SYNE2: variants seen among roughly 807,000 people sequenced by gnomAD.
SYNE2 encodes nesprin-2.
SYNE2 carries 431 observed loss-of-function variants against 856.3 expected under a neutral mutation model. That is an observed-to-expected ratio of 0.50 (90% CI 0.47 to 0.55). SYNE2 has a LOEUF of 0.55. Among genes scored for constraint, SYNE2 ranks in the 20% least tolerant of loss-of-function variants. The probability of loss-of-function intolerance (pLI) is 0.00; values close to 1 mark genes in which losing one functional copy is unlikely to be tolerated. For missense variants in SYNE2, 8,129 were observed against 8,023.2 expected, an observed-to-expected ratio of 1.01 and a Z score of -0.50; for synonymous variants, 2,923 against 2,872.3, an observed-to-expected ratio of 1.02 and a Z score of -0.56.
chr14:64,109,164 G>A (rs1292793154), intron 65 of SYNE2, among the ~76,000 whole-genome samples: 1 of 151,652 alleles, frequency 6.6e-6, no homozygotes, highest in Non-Finnish European at 1.5e-5. Context: ...ATCAGATGTA[G>A]CTTCAATGGT....
intron 22 of SYNE2, among the ~76,000 whole-genome samples, chr14:63,994,352 G>C (rs1478407828): frequency 6.6e-6 from 1 of 152,202 alleles, no homozygotes; most frequent in African/African-American, 2.4e-5. Flanking sequence ...TAATTAATGT[G>C]ATAATTAAAA....
chr14:63,807,865 A>ATATATATATATATATAT (rs1267385896), intron 1 of SYNE2, among the ~76,000 whole-genome samples: 72 of 97,366 alleles, frequency 7.4e-4, no homozygotes, highest in Non-Finnish European at 1.2e-3. Flanking sequence ...ATATATATAT[A>ATATATATATATATATAT]ATTTCAATAG....
At chr14:63,822,166 G>A (rs186911191) in intron 1 of SYNE2, among the ~76,000 whole-genome samples, 4 of 152,154 alleles carry the variant, frequency 2.6e-5, no homozygotes, top group African/African-American at 4.8e-5. Context: ...ACTCCAGCCC[G>A]GGTGACAGAG....
upstream of SYNE2, chr14:63,848,511 T>C (rs1489285139): frequency 1.3e-5 from 2 of 152,232 alleles, no homozygotes; most frequent in Non-Finnish European, 2.9e-5. Context: ...ATATGATTAA[T>C]GCATCACTTT....
At chr14:63,910,894 A>G (rs185262926) in intron 2 of SYNE2, among the ~76,000 whole-genome samples, 23 of 152,330 alleles carry the variant, frequency 1.5e-4, no homozygotes, top group Admixed American at 1.0e-3. Flanking sequence ...CCAAGAGCAC[A>G]TGGCTGGAGT....
At chr14:64,055,785 A>C (rs1437604055) in intron 48 of SYNE2, among the ~76,000 whole-genome samples, 159 bp from the exon 49 acceptor site, 1 of 152,028 alleles carries the variant, frequency 6.6e-6, no homozygotes, top group Non-Finnish European at 1.5e-5. Flanking sequence ...CATATGTAAC[A>C]AACCTGCACA....
At chr14:64,010,989 A>G (rs373574594) in intron 32 of SYNE2, among the ~76,000 whole-genome samples, 4 of 152,330 alleles carry the variant, frequency 2.6e-5, no homozygotes, top group African/African-American at 9.6e-5. Context: ...CAGGGTGTTA[A>G]AAGTATGTGA....
intron 1 of SYNE2, among the ~76,000 whole-genome samples, chr14:63,839,186 T>C (rs1256209353): frequency 2.0e-5 from 3 of 152,068 alleles, no homozygotes; most frequent in African/African-American, 7.2e-5. Context: ...TGTGCCACCA[T>C]GCCCGGCTAA....
chr14:63,762,595 CTT>C (rs869117825), intron 1 of SYNE2, among the ~76,000 whole-genome samples: 1 of 20,418 alleles, frequency 4.9e-5, no homozygotes, highest in Non-Finnish European at 2.1e-4. Flanking sequence ...TTTTTTCTTT[CTT>C]TTTTTTTTTT....
At chr14:64,186,698 C>G (rs2139507134) in intron 97 of SYNE2, 119 bp downstream of exon 97, 1 of 1,316,540 alleles carries the variant, frequency 7.6e-7, no homozygotes. Context: ...CAGTGGGACC[C>G]CTGGCCCGGC....
At chr14:63,857,622 C>A (rs1022357516) in intron 1 of SYNE2, among the ~76,000 whole-genome samples, 2 of 152,166 alleles carry the variant, frequency 1.3e-5, no homozygotes, top group African/African-American at 2.4e-5. Flanking sequence ...TCCTTGCCAA[C>A]AGTTGGGGTG....
At chr14:63,986,411 A>T (rs768836904) in intron 18 of SYNE2, 45 bp from the exon 19 acceptor site, 6 of 1,605,774 alleles carry the variant, frequency 3.7e-6, no homozygotes, top group Non-Finnish European at 5.1e-6. Context: ...TTATTTTGTT[A>T]TGTACATGCT....
chr14:63,893,634 A>C (rs1450271455), intron 1 of SYNE2, among the ~76,000 whole-genome samples: 1 of 152,222 alleles, frequency 6.6e-6, no homozygotes, highest in Non-Finnish European at 1.5e-5. Context: ...ATCTTTTCTC[A>C]AACATCTATT....
intron 1 of SYNE2, among the ~76,000 whole-genome samples, chr14:63,799,940 AC>A (rs1256070979): frequency 6.6e-6 from 1 of 152,190 alleles, no homozygotes; most frequent in Non-Finnish European, 1.5e-5. Context: ...ATTTCCTTCA[AC>A]GGGACATCAG....
At chr14:63,889,046 C>CAAAAAAAAAA (rs200729691) in intron 1 of SYNE2, among the ~76,000 whole-genome samples, 2 of 108,640 alleles carry the variant, frequency 1.8e-5, no homozygotes, top group Non-Finnish European at 3.8e-5. Context: ...TACTAAAATA[C>CAAAAAAAAAA]AAAAAAAAAA....
intron 1 of SYNE2, among the ~76,000 whole-genome samples, chr14:63,854,449 T>A (rs138144044): frequency 1.1e-3 from 162 of 152,308 alleles, no homozygotes; most frequent in African/African-American, 3.7e-3. Context: ...TTCTCCAAGT[T>A]GTCTTTCTGG....
At chr14:64,103,230 T>A (rs1185515986) in intron 64 of SYNE2, among the ~76,000 whole-genome samples, 1 of 152,034 alleles carries the variant, frequency 6.6e-6, no homozygotes, top group Non-Finnish European at 1.5e-5. Context: ...TATGTGAAAA[T>A]CCAAACTGAC....
chr14:64,027,413 ACAT>A, intron 42 of SYNE2, 68 bp from the exon 43 acceptor site: 1 of 963,660 alleles, frequency 1.0e-6, no homozygotes, highest in Non-Finnish European at 1.6e-6. Flanking sequence ...GATGTGTGTT[ACAT>A]AATATGCAAA....
chr14:64,107,355 T>C (rs1014142018), intron 64 of SYNE2, 136 bp from the exon 65 acceptor site: 8 of 785,192 alleles, frequency 1.0e-5, no homozygotes, highest in African/African-American at 1.7e-5. Flanking sequence ...ACAAACTTTT[T>C]TCTAATCGTA....
Sources: allele counts gnomAD v4.1 joint callset (sites outside exome capture counted in the v4.1 genomes callset), GRCh38; gene constraint gnomAD v4.1.1; transcripts MANE v1.5; gene names NCBI Gene and HGNC (gene_info 2026-07-23, HGNC 2026-07-21).